SP110: variants seen among roughly 807,000 people sequenced by gnomAD.
SP110 encodes SP110 nuclear body protein.
Under a neutral mutation model 92.7 loss-of-function variants are expected in SP110, and 62 were observed. The ratio of observed to expected loss-of-function variants is 0.67; its 90% CI spans 0.55 to 0.83. The LOEUF (loss-of-function observed/expected upper bound fraction) is 0.83, where lower values mean the gene tolerates loss of function less well. SP110 is among the 40% of genes least tolerant of loss of function. The pLI is 0.00. For missense variants in SP110, 793 were observed against 863.9 expected, an observed-to-expected ratio of 0.92 and a Z score of 1.03; for synonymous variants, 273 against 305.3, an observed-to-expected ratio of 0.89 and a Z score of 1.10.
Position 230,165,774 on chromosome 2 carries a change from C to A in SP110, c.*3350G>T, listed in dbSNP as rs1560515029. Among the ~76,000 whole-genome samples, 1 of 150,978 alleles carries A rather than the reference C, an allele frequency of 6.6e-6. No homozygotes were observed. The highest frequency in any genetic ancestry group is 2.4e-5 in the African/African-American group (1 of 40,978). ...GAAAACTTATGGGTAAATATTGGAA[C>A]TAAAAGCCGTTACGATGCCTTCCAA... On this transcript the variant is annotated 3_prime_UTR_variant, in exon 19 of 19. Coordinates refer to ENST00000258381, the MANE Select transcript of SP110 (RefSeq NM_080424.4).
In SP110 at chr2:230,171,582, G is replaced by A. The variant is rs555008896; in HGVS notation, c.1887+114C>T. 5.2e-4 allele frequency: 426 copies of A among 826,052 alleles called. 1 individual carries two copies. The highest frequency in any genetic ancestry group is 6.8e-4 in the Non-Finnish European group (317 of 468,490). The allele number at this position is 826,052 out of a possible 1,614,324, so 51.2% of individuals were successfully genotyped here. A position where few individuals can be genotyped will look rare whatever the true frequency, so the allele number is the denominator to read the frequency against. ...TGCTGCCCCGCTCCACTGCTGCCAC[G>A]CTGCCCTTCTCTTCTGTTCTCCAGC... On this transcript the variant is annotated intron_variant, in intron 17 of 18. Coordinates refer to ENST00000258381, the MANE Select transcript of SP110 (RefSeq NM_080424.4).
intron 11 of SP110, among the ~76,000 whole-genome samples, chr2:230,185,662 C>T (rs1454179470): frequency 6.6e-6 from 1 of 152,186 alleles, no homozygotes; most frequent in Non-Finnish European, 1.5e-5. Flanking sequence ...AGGATTGGTG[C>T]CACTTCCAAG....
intron 8 of SP110, chr2:230,203,082 A>C (rs1197010218): frequency 3.2e-6 from 1 of 315,456 alleles, no homozygotes; most frequent in Non-Finnish European, 6.0e-6. Context: ...TGTCTTATAA[A>C]GCACCTCTCC....
intron 12 of SP110, among the ~76,000 whole-genome samples, chr2:230,180,053 C>G (rs181054758): frequency 6.6e-6 from 1 of 152,272 alleles, no homozygotes; most frequent in South Asian, 2.1e-4. Context: ...CCCAGGAACC[C>G]GGTGGGGGAT....
At chr2:230,209,436 A>G (rs192331943) in intron 7 of SP110, among the ~76,000 whole-genome samples, 13 of 152,270 alleles carry the variant, frequency 8.5e-5, no homozygotes, top group Non-Finnish European at 1.8e-4. Context: ...GATATTGATG[A>G]TGAGTGAGTG....
Position 230,211,132 on chromosome 2 carries a change from C to T in SP110, c.751+338G>A, listed in dbSNP as rs527921790. Among the ~76,000 whole-genome samples the T allele has an allele frequency of 4.6e-5, 7 of 152,312 alleles. No homozygotes were observed. In the South Asian group the frequency reaches 1.0e-3, roughly 23 times the overall value. On this transcript the variant is annotated intron_variant, in intron 6 of 18. Coordinates refer to ENST00000258381, the MANE Select transcript of SP110 (RefSeq NM_080424.4). This position sits in a 1 kb window ranked among gnomAD's most constrained non-coding sequence, Gnocchi z 4.2. ...TTTCCCCTGGGGTTCCTGCCACAACCCTTTGTGGCAGGTGAATGTTTCCCT... is the reference window on the plus strand; with the variant it reads ...TTTCCCCTGGGGTTCCTGCCACAACTCTTTGTGGCAGGTGAATGTTTCCCT...
chr2:230,177,142 A>T (rs895976557), intron 14 of SP110, among the ~76,000 whole-genome samples: 4 of 152,202 alleles, frequency 2.6e-5, no homozygotes, highest in Admixed American at 6.5e-5. Flanking sequence ...CATGCAGCGG[A>T]GAGACAGACC....
intron 1 of SP110, among the ~76,000 whole-genome samples, chr2:230,225,376 G>T (rs1168162439): frequency 6.6e-6 from 1 of 152,138 alleles, no homozygotes; most frequent in Admixed American, 6.5e-5. Flanking sequence ...CCAAACACTG[G>T]GCCTAAGCCA....
intron 10 of SP110, among the ~76,000 whole-genome samples, chr2:230,197,586 G>A (rs1343933824): frequency 1.3e-5 from 2 of 150,682 alleles, no homozygotes; most frequent in African/African-American, 4.9e-5. Context: ...TGTTGCCATT[G>A]CTTTTGGTGT....
At position 230,215,124 on chromosome 2, in the gene SP110, A is replaced by T; in HGVS notation, c.148-6T>A. 1 of 1,611,022 alleles carries T rather than the reference A, an allele frequency of 6.2e-7. No individual in the cohort carries two copies. The highest frequency in any genetic ancestry group is 8.5e-7 in the Non-Finnish European group (1 of 1,177,206). ...CTACAGGCTTCCAGAGATTCCTATA[A>T]AAATGGAGTGAAGGTTTTTATAAAT... On this transcript the variant is annotated splice_region_variant and splice_polypyrimidine_tract_variant and intron_variant, in intron 2 of 18. Coordinates refer to ENST00000258381, the MANE Select transcript of SP110 (RefSeq NM_080424.4).
intron 10 of SP110, among the ~76,000 whole-genome samples, chr2:230,189,565 A>T (rs965600320): frequency 2.0e-5 from 3 of 151,962 alleles, no homozygotes; most frequent in African/African-American, 7.3e-5. Context: ...TATAATTTCA[A>T]TTTTTTTCTT....
chr2:230,187,593 T>C (rs2042414207), intron 10 of SP110, among the ~76,000 whole-genome samples: 1 of 152,132 alleles, frequency 6.6e-6, no homozygotes, highest in Non-Finnish European at 1.5e-5. Flanking sequence ...GAGTTTTTCC[T>C]AGGTTTTCTT....
Position 230,186,108 on chromosome 2 carries a change from G to A in SP110, c.1165C>T (p.Leu389Phe). 6.2e-7 allele frequency: 1 copy of A among 1,614,108 alleles called. No individual in the cohort carries two copies. The highest frequency in any genetic ancestry group is 1.1e-5 in the South Asian group (1 of 91,080). Residue 389 changes from leucine to phenylalanine, a missense_variant, in exon 11 of 19, where the codon CTC becomes TTC. Physicochemically the swap from Leu to Phe is conservative, Grantham distance 22. Coordinates refer to ENST00000258381, the MANE Select transcript of SP110 (RefSeq NM_080424.4). ...TGAGTCACCTTATCCACCACTTGGA[G>A]CTTCTCTTGGATGCCATGCCCAGGT... is the stretch of plus-strand genomic sequence containing the variant. Reference protein sequence around the residue: ...ASPGHGIQEKLQVVDKVTQRK... With the variant: ...ASPGHGIQEKFQVVDKVTQRK...
At chr2:230,170,832 A>T in intron 17 of SP110, 71 bp from the exon 18 acceptor site, 1 of 1,480,962 alleles carries the variant, frequency 6.8e-7, no homozygotes, top group Non-Finnish European at 9.4e-7. Context: ...ACTTAAATAC[A>T]ATCCAAGCCT....
chr2:230,221,632 A>T (rs73998773), upstream of SP110: 1 of 1,379,376 alleles, frequency 7.2e-7, no homozygotes, highest in African/African-American at 1.4e-5. Context: ...AGTAACATAC[A>T]GCGCTGTGAT....
At chr2:230,200,733 A>G (rs1468976337) in intron 10 of SP110, 152 bp downstream of exon 10, 2 of 680,906 alleles carry the variant, frequency 2.9e-6, no homozygotes, top group Non-Finnish European at 5.3e-6. Flanking sequence ...TATCATGGGA[A>G]GGGTCTTGAT....
chr2:230,216,452 C>T (rs943974096), intron 2 of SP110, among the ~76,000 whole-genome samples: 3 of 152,194 alleles, frequency 2.0e-5, no homozygotes, highest in African/African-American at 7.2e-5. Flanking sequence ...AGGCAGCTAT[C>T]GGATTCTCCT....
intron 18 of SP110, among the ~76,000 whole-genome samples, chr2:230,169,933 G>A (rs13003555): frequency 0.17 from 25,327 of 152,094 alleles, 2,253 homozygotes; most frequent in Middle Eastern, 0.21. Context: ...CCATGAATGG[G>A]TACCAGTTTA....
chr2:230,174,598 T>G (rs771093250), intron 14 of SP110, among the ~76,000 whole-genome samples: 1 of 152,204 alleles, frequency 6.6e-6, no homozygotes, highest in Non-Finnish European at 1.5e-5. Context: ...CACTATATGC[T>G]GATAGAGTGG....
Sources: allele counts gnomAD v4.1 joint callset (sites outside exome capture counted in the v4.1 genomes callset), GRCh38; gene constraint gnomAD v4.1.1; non-coding constraint Gnocchi (gnomAD v3.1); transcripts MANE v1.5; gene names NCBI Gene and HGNC (gene_info 2026-07-23, HGNC 2026-07-21).